Variants in ERLEC1 observed in about 807,000 individuals in gnomAD.
The protein encoded by ERLEC1 is ER lectin.
A neutral mutation model predicts 68.0 loss-of-function variants in ERLEC1; 47 were observed. The observed-to-expected ratio is 0.69, with a 90% CI of 0.55 to 0.88. The LOEUF is 0.88. Among genes scored for constraint, ERLEC1 ranks in the 40% least tolerant of loss-of-function variants. The pLI is 0.00. For missense variants in ERLEC1, 567 were observed against 583.8 expected, an observed-to-expected ratio of 0.97 and a Z score of 0.30; for synonymous variants, 225 against 203.2, an observed-to-expected ratio of 1.11 and a Z score of -0.91.
chr2:53,805,313 C>A (rs561465188), intron 8 of ERLEC1, among the ~76,000 whole-genome samples: 10 of 152,198 alleles, frequency 6.6e-5, no homozygotes, highest in African/African-American at 2.4e-4. Context: ...TGAGCCACCG[C>A]ACCCAGCTAC....
intron 6 of ERLEC1, among the ~76,000 whole-genome samples, chr2:53,799,390 C>T (rs993254794): frequency 6.6e-6 from 1 of 152,104 alleles, no homozygotes; most frequent in African/African-American, 2.4e-5. Flanking sequence ...ACACTGGAAA[C>T]TATTAAGAGT....
chr2:53,813,007 T>C lies in ERLEC1; in HGVS notation c.1160T>C (p.Ile387Thr). The change falls in exon 11 of 14, where the codon ATT becomes ACT. Residue 387 changes from isoleucine to threonine, a missense_variant. Ile to Thr is a moderately conservative substitution (Grantham distance 89). Transcript: ENST00000185150. Reference protein sequence around the residue: ...VVGTWNQEEHIEWAKKNTARA... With the variant: ...VVGTWNQEEHTEWAKKNTARA... ...GGGACATGGAACCAAGAAGAGCATATTGAATGGGCTAAGAAGAATACTGCT... is the reference window on the plus strand; with the variant it reads ...GGGACATGGAACCAAGAAGAGCATACTGAATGGGCTAAGAAGAATACTGCT... 3 of 1,613,784 alleles carry C rather than the reference T, an allele frequency of 1.9e-6. No individual in the cohort carries two copies. The highest frequency in any genetic ancestry group is 2.2e-5 in the East Asian group (1 of 44,858).
intron 13 of ERLEC1, 38 bp from the exon 14 acceptor site, chr2:53,817,860 C>T: frequency 7.5e-7 from 1 of 1,337,126 alleles, no homozygotes; most frequent in Non-Finnish European, 1.1e-6. Flanking sequence ...AAGTATTCAG[C>T]TTAGCAACTT....
Position 53,794,449 on chromosome 2 carries a change from G to T in ERLEC1, c.267G>T (p.Glu89Asp). 6.9e-7 allele frequency: 1 copy of T among 1,447,176 alleles called. No homozygotes were observed. The highest frequency in any genetic ancestry group is 2.3e-5 in the East Asian group (1 of 43,110). 89.6% of individuals were successfully genotyped at this position (1,447,176 alleles called of 1,614,324 possible). The change falls in exon 2 of 14, where the codon GAG (glutamate) becomes GAT (aspartate). Residue 89 changes from glutamate to aspartate, a missense_variant and splice_region_variant. By Grantham distance (45) the Glu-to-Asp change is conservative. Coordinates refer to ENST00000185150, the MANE Select transcript of ERLEC1 (RefSeq NM_015701.5). ...TTCCCCTTGTGACAAGTGGGGATGA[G>T]GTAAGTTTTTATAAATATATTGATA... ...CILPLVTSGD[E>D]EEEKDYKGPN...
intron 1 of ERLEC1, among the ~76,000 whole-genome samples, chr2:53,789,600 G>C (rs1377052317): frequency 2.0e-5 from 3 of 152,022 alleles, no homozygotes; most frequent in African/African-American, 4.8e-5. Context: ...GAAAAATCTA[G>C]AGTGTTCTGT....
intron 8 of ERLEC1, among the ~76,000 whole-genome samples, chr2:53,802,988 G>A (rs1224151405): frequency 6.6e-6 from 1 of 152,162 alleles, no homozygotes; most frequent in Non-Finnish European, 1.5e-5. Flanking sequence ...GCTTGAAGAT[G>A]TGATTCCAAT....
At chr2:53,801,907 A>G in intron 8 of ERLEC1, 65 bp downstream of exon 8, 13 of 1,343,758 alleles carry the variant, frequency 9.7e-6, no homozygotes, top group South Asian at 5.1e-5. Context: ...GCATATGTCA[A>G]TATTTTAATG....
intron 2 of ERLEC1, 83 bp from the exon 3 acceptor site, chr2:53,795,850 T>G: frequency 2.3e-6 from 2 of 853,132 alleles, no homozygotes; most frequent in Admixed American, 2.7e-5. Flanking sequence ...ATTTGTGATT[T>G]GAGTAATGAG....
chr2:53,817,210 T>C (rs74578024), intron 13 of ERLEC1, among the ~76,000 whole-genome samples: 1,800 of 152,082 alleles, frequency 0.012, 43 homozygotes, highest in African/African-American at 0.041. Context: ...CTTGGCTCAT[T>C]GCAACCTCCA....
intron 6 of ERLEC1, among the ~76,000 whole-genome samples, chr2:53,800,227 G>T (rs559589519): frequency 2.2e-4 from 34 of 152,086 alleles, no homozygotes; most frequent in African/African-American, 7.9e-4. Flanking sequence ...AACCAAGTTC[G>T]CAGTACCATT....
intron 1 of ERLEC1, among the ~76,000 whole-genome samples, chr2:53,792,163 C>T (rs911100114): frequency 6.6e-6 from 1 of 151,408 alleles, no homozygotes; most frequent in Non-Finnish European, 1.5e-5. Flanking sequence ...CTGATCCGCC[C>T]GTTTCGGCCT....
Position 53,799,101 on chromosome 2 carries a change from T to C in ERLEC1, c.525+20T>C, listed in dbSNP as rs1238108421. 1 of 1,606,952 alleles carries C rather than the reference T, an allele frequency of 6.2e-7. No individual in the cohort carries two copies. Among genetic ancestry groups the C allele is most frequent in the Non-Finnish European group, 8.5e-7 (1 of 1,175,068 alleles). ...AATGAGGCAAGTGACAGATGTTGATTTTTTTCCTCTTAACACTTATTGTTA... is the reference window on the plus strand; with the variant it reads ...AATGAGGCAAGTGACAGATGTTGATCTTTTTCCTCTTAACACTTATTGTTA... On this transcript the variant is annotated intron_variant, in intron 6 of 13. Coordinates refer to ENST00000185150, the MANE Select transcript of ERLEC1 (RefSeq NM_015701.5).
intron 13 of ERLEC1, among the ~76,000 whole-genome samples, chr2:53,817,472 C>T (rs1233155979): frequency 6.6e-6 from 1 of 152,146 alleles, no homozygotes; most frequent in East Asian, 1.9e-4. Flanking sequence ...AATTTCCTAT[C>T]TGGTCATACA....
At chr2:53,806,199 A>C (rs1676287339) in intron 8 of ERLEC1, among the ~76,000 whole-genome samples, 1 of 152,178 alleles carries the variant, frequency 6.6e-6, no homozygotes, top group African/African-American at 2.4e-5. Context: ...AGATTACTGG[A>C]CTATTAGGAG....
At chr2:53,809,978 G>C (rs1676502853) in intron 10 of ERLEC1, among the ~76,000 whole-genome samples, 4 of 152,128 alleles carry the variant, frequency 2.6e-5, no homozygotes, top group Admixed American at 2.6e-4. Flanking sequence ...TGGAACCTGG[G>C]AGGCAGAGGT....
intron 11 of ERLEC1, 84 bp downstream of exon 11, chr2:53,813,157 A>G: frequency 6.6e-7 from 1 of 1,504,942 alleles, no homozygotes; most frequent in Non-Finnish European, 9.0e-7. Context: ...AAATTCAAAC[A>G]TTTAAGTAAA....
At chr2:53,810,226 T>G (rs1676516673) in intron 10 of ERLEC1, among the ~76,000 whole-genome samples, 1 of 151,956 alleles carries the variant, frequency 6.6e-6, no homozygotes, top group African/African-American at 2.4e-5. Context: ...TCCAAACACT[T>G]TGGGGGGCCA....
At chr2:53,796,654 T>A (rs546232083) in intron 3 of ERLEC1, among the ~76,000 whole-genome samples, 1 of 151,908 alleles carries the variant, frequency 6.6e-6, no homozygotes, top group Non-Finnish European at 1.5e-5. Context: ...TTCACAGTGT[T>A]GCCCAGACTA....
At chr2:53,816,508 A>G (rs1327653836) in intron 13 of ERLEC1, among the ~76,000 whole-genome samples, 1 of 151,988 alleles carries the variant, frequency 6.6e-6, no homozygotes, top group African/African-American at 2.4e-5. Flanking sequence ...ACCTCAAGTA[A>G]TCTGCCCGCC....
Sources: gnomAD v4.1 joint callset for allele counts (sites outside exome capture counted in the v4.1 genomes callset) on GRCh38, gnomAD v4.1.1 for gene constraint, MANE v1.5 for transcripts, NCBI Gene and HGNC (gene_info 2026-07-23, HGNC 2026-07-21) for gene names.